Variants in DLGAP2 observed in about 807,000 individuals in gnomAD.
DLGAP2 encodes the protein disks large-associated protein 2.
Under a neutral mutation model 100.3 loss-of-function variants are expected in DLGAP2, and 26 were observed. That is an observed-to-expected ratio of 0.26 (90% CI 0.19 to 0.36). DLGAP2 has a LOEUF of 0.36. DLGAP2 is among the 10% of genes least tolerant of loss of function. The probability of loss-of-function intolerance (pLI) is 1.00; values close to 1 mark genes in which losing one functional copy is unlikely to be tolerated. For missense variants in DLGAP2, 1,858 were observed against 1,453.2 expected, an observed-to-expected ratio of 1.28 and a Z score of -4.53; for synonymous variants, 886 against 630.1, an observed-to-expected ratio of 1.41 and a Z score of -6.08.
intron 8 of DLGAP2, among the ~76,000 whole-genome samples, chr8:1,653,946 T>C (rs1798224697): frequency 1.3e-5 from 2 of 152,222 alleles, no homozygotes; most frequent in South Asian, 4.1e-4. Context: ...AATTTTTTAA[T>C]TGAAGGTCAC....
intron 3 of DLGAP2, among the ~76,000 whole-genome samples, chr8:1,271,215 A>G (rs545815402): frequency 4.6e-5 from 7 of 152,198 alleles, no homozygotes; most frequent in African/African-American, 7.2e-5. Flanking sequence ...GATTAGTGCC[A>G]AACAGGCCTT....
At chr8:1,252,389 GTGTTGTGT>G (rs1799065903) in intron 2 of DLGAP2, among the ~76,000 whole-genome samples, 1 of 151,932 alleles carries the variant, frequency 6.6e-6, no homozygotes, top group South Asian at 2.1e-4. Flanking sequence ...TCACATGGGT[GTGTTGTGT>G]TGTCCTGGGT....
At chr8:1,419,701 A>G (rs1360453857) in intron 3 of DLGAP2, among the ~76,000 whole-genome samples, 1 of 152,210 alleles carries the variant, frequency 6.6e-6, no homozygotes, top group Non-Finnish European at 1.5e-5. Context: ...GTTACCAGAA[A>G]GACCAAAAGT....
At chr8:1,426,497 A>G (rs891281369) in intron 3 of DLGAP2, among the ~76,000 whole-genome samples, 18 of 152,210 alleles carry the variant, frequency 1.2e-4, no homozygotes, top group Non-Finnish European at 2.1e-4. Context: ...GGTCGACAGA[A>G]AAGTTGTATC....
intron 1 of DLGAP2, among the ~76,000 whole-genome samples, chr8:826,161 C>A (rs1563051894): frequency 1.3e-5 from 2 of 152,206 alleles, no homozygotes; most frequent in Non-Finnish European, 2.9e-5. Flanking sequence ...GGATCTCATT[C>A]TTTTTTATGG....
intron 2 of DLGAP2, among the ~76,000 whole-genome samples, chr8:960,020 C>A (rs529182896): frequency 5.3e-5 from 8 of 152,072 alleles, no homozygotes; most frequent in African/African-American, 9.6e-5. Flanking sequence ...TGAGGATTAT[C>A]CTCTCTGTTA....
chr8:1,599,522 G>C lies in DLGAP2; in HGVS notation c.1443-27218G>C, dbSNP rs539073399. ...TCTCTTTGTAGGTCTCTAAGAACTT[G>C]ATTTATGAATCTGGGTCCTCCTGTA... is the stretch of plus-strand genomic sequence containing the variant. On this transcript the variant is annotated intron_variant, in intron 6 of 14. Coordinates refer to ENST00000637795, the MANE Select transcript of DLGAP2 (RefSeq NM_001346810.2). Among the ~76,000 whole-genome samples the C allele has an allele frequency of 1.1e-4, 17 of 152,260 alleles. 1 individual carries two copies. Among genetic ancestry groups the C allele is most frequent in the African/African-American group, 4.1e-4 (17 of 41,562 alleles).
At chr8:1,241,472 T>C (rs1228067420) in intron 2 of DLGAP2, among the ~76,000 whole-genome samples, 1 of 152,234 alleles carries the variant, frequency 6.6e-6, no homozygotes, top group Non-Finnish European at 1.5e-5. Flanking sequence ...TATTTATTTC[T>C]TCCTTGACGT....
At chr8:1,549,712 C>G (rs756846687) in intron 5 of DLGAP2, 29 bp downstream of exon 5, 7 of 1,509,566 alleles carry the variant, frequency 4.6e-6, no homozygotes, top group Non-Finnish European at 6.2e-6. Context: ...CTGTGGAGGC[C>G]GTCTCGGCAC....
intron 3 of DLGAP2, among the ~76,000 whole-genome samples, chr8:1,266,170 C>G (rs1799446333): frequency 6.6e-6 from 1 of 152,248 alleles, no homozygotes; most frequent in Non-Finnish European, 1.5e-5. Context: ...GCATTCCCAA[C>G]AGGGACGCTG....
At chr8:1,606,362 A>C (rs1306807513) in intron 6 of DLGAP2, among the ~76,000 whole-genome samples, 3 of 152,138 alleles carry the variant, frequency 2.0e-5, no homozygotes, top group Admixed American at 2.0e-4. Flanking sequence ...TCCATTTTAG[A>C]ACATAAACTT....
At chr8:1,059,668 A>T (rs1803011798) in intron 2 of DLGAP2, among the ~76,000 whole-genome samples, 1 of 152,058 alleles carries the variant, frequency 6.6e-6, no homozygotes, top group African/African-American at 2.4e-5. Context: ...GCTTGTGGGT[A>T]GATATGCTGT....
chr8:1,700,872 G>A (rs928082581), intron 14 of DLGAP2, among the ~76,000 whole-genome samples: 2 of 152,268 alleles, frequency 1.3e-5, no homozygotes, highest in Admixed American at 1.3e-4. Context: ...GGGCGACAAT[G>A]TCAGACTAGC....
chr8:1,273,161 G>A (rs1490477228), intron 3 of DLGAP2, among the ~76,000 whole-genome samples: 1 of 152,222 alleles, frequency 6.6e-6, no homozygotes, highest in African/African-American at 2.4e-5. Flanking sequence ...TCTGGAAGGT[G>A]TTTGTCTGAG....
At chr8:1,440,582 A>G (rs1797801413) in intron 3 of DLGAP2, among the ~76,000 whole-genome samples, 1 of 152,214 alleles carries the variant, frequency 6.6e-6, no homozygotes, top group Non-Finnish European at 1.5e-5. Context: ...ATCTAAGACT[A>G]AAGGGGGAAA....
intron 3 of DLGAP2, among the ~76,000 whole-genome samples, chr8:1,376,348 C>T (rs879153262): frequency 6.6e-6 from 1 of 152,220 alleles, no homozygotes; most frequent in Non-Finnish European, 1.5e-5. Context: ...CACCGCAGTC[C>T]CTCTAGAGAG....
chr8:1,030,629 C>T (rs1487952209), intron 2 of DLGAP2, among the ~76,000 whole-genome samples: 18 of 152,300 alleles, frequency 1.2e-4, no homozygotes, highest in Non-Finnish European at 2.9e-5. Context: ...ATTAGCTAAC[C>T]TGTTGCAGAG....
intron 3 of DLGAP2, among the ~76,000 whole-genome samples, chr8:1,412,001 C>T (rs1049820879): frequency 1.3e-5 from 2 of 152,216 alleles, no homozygotes; most frequent in African/African-American, 4.8e-5. Context: ...CTGGAAGACA[C>T]AGATGCCATG....
At chr8:1,303,788 C>T (rs941919850) in intron 3 of DLGAP2, among the ~76,000 whole-genome samples, 1 of 152,106 alleles carries the variant, frequency 6.6e-6, no homozygotes, top group Non-Finnish European at 1.5e-5. Flanking sequence ...ATCCTGCATC[C>T]GGTGCTCGTC....
Sources: allele counts gnomAD v4.1 joint callset (sites outside exome capture counted in the v4.1 genomes callset), GRCh38; gene constraint gnomAD v4.1.1; transcripts MANE v1.5; gene names NCBI Gene and HGNC (gene_info 2026-07-23, HGNC 2026-07-21).